The following NUAK1 variants were observed in gnomAD, a reference collection of about 807,000 sequenced individuals.
NUAK1 encodes NUAK family kinase 1.
Under a neutral mutation model 56.9 loss-of-function variants are expected in NUAK1, and 26 were observed. The observed-to-expected ratio is 0.46, with a 90% CI of 0.33 to 0.63. The LOEUF (loss-of-function observed/expected upper bound fraction) is 0.63. NUAK1 is among the 30% of genes least tolerant of loss of function. NUAK1 has a pLI of 0.02. For synonymous variants in NUAK1, 337 were observed against 336.0 expected, an observed-to-expected ratio of 1.00 and a Z score of -0.03; for missense variants, 727 against 876.1, an observed-to-expected ratio of 0.83 and a Z score of 2.15.
intron 1 of NUAK1, among the ~76,000 whole-genome samples, chr12:106,132,048 A>T (rs1034562140): frequency 6.6e-6 from 1 of 152,254 alleles, no homozygotes; most frequent in Non-Finnish European, 1.5e-5. Flanking sequence ...GGAAAGACAA[A>T]TGAGACTTCT....
At chr12:106,090,686 A>G (rs567360503) in intron 2 of NUAK1, among the ~76,000 whole-genome samples, 8 of 152,190 alleles carry the variant, frequency 5.3e-5, no homozygotes, top group Non-Finnish European at 7.3e-5. Context: ...CATCAGTCCA[A>G]TGAGACTAGT....
rs757047758 is a variant in NUAK1 at position 106,067,113 on chromosome 12, C to T, written c.1675G>A (p.Glu559Lys). The T allele has an allele frequency of 8.1e-6, 13 of 1,614,084 alleles. No homozygotes were observed. The highest frequency in any genetic ancestry group is 1.7e-5 in the Admixed American group (1 of 60,016). Residue 559 changes from glutamate to lysine, a missense_variant, in exon 7 of 7, where the codon GAG becomes AAG. By Grantham distance (56) the Glu-to-Lys change is moderately conservative (BLOSUM62 1). Transcript: ENST00000261402. This position sits in a 1 kb window ranked among gnomAD's most constrained non-coding sequence, Gnocchi z 6.0. ...CGGCTGTAGCTCCGGGAGAGGCCCT[C>T]GGCAGGGACACCAGGCTCTGACAGG... Reference protein sequence around the residue: ...ESLSEPGVPAEGLSRSYSRPS... With the variant: ...ESLSEPGVPAKGLSRSYSRPS...
chr12:106,079,203 A>T (rs1379441660), intron 4 of NUAK1, among the ~76,000 whole-genome samples: 1 of 152,196 alleles, frequency 6.6e-6, no homozygotes, highest in African/African-American at 2.4e-5. Flanking sequence ...AAGGTCTGAC[A>T]TGGGGCTCTA....
chr12:106,080,974 T>C (rs2032512199), intron 4 of NUAK1, among the ~76,000 whole-genome samples: 1 of 152,232 alleles, frequency 6.6e-6, no homozygotes, highest in Non-Finnish European at 1.5e-5. Context: ...AGCAAAATGC[T>C]GAGTCAGGAA....
Position 106,127,162 on chromosome 12 carries a change from T to C in NUAK1, c.240+11252A>G, listed in dbSNP as rs754033355. ...AGAGGTTCTTTGAGGATGAGCATTT[T>C]CTTTTTATTTTCTTTTATTTGAGAC... On this transcript the variant is annotated intron_variant, in intron 1 of 6. Coordinates refer to ENST00000261402, the MANE Select transcript of NUAK1 (RefSeq NM_014840.3). 1.2e-3 allele frequency among the ~76,000 whole-genome samples: 187 copies of C among 152,262 alleles called. 2 individuals are homozygous for C. The Middle Eastern group carries it at 0.014, about 11-fold the overall frequency.
chr12:106,095,323 G>A (rs1045977116), intron 2 of NUAK1, among the ~76,000 whole-genome samples: 36 of 152,216 alleles, frequency 2.4e-4, no homozygotes, highest in African/African-American at 7.7e-4. Flanking sequence ...TGGCAGTGAT[G>A]GGGGTAGAAA....
chr12:106,106,626 G>A, intron 1 of NUAK1, 101 bp from the exon 2 acceptor site: 1 of 1,267,302 alleles, frequency 7.9e-7, no homozygotes, highest in Non-Finnish European at 1.1e-6. Flanking sequence ...CTTGTTGGCA[G>A]AACTGACAAT....
intron 1 of NUAK1, among the ~76,000 whole-genome samples, chr12:106,126,331 T>G (rs1215052935): frequency 6.6e-6 from 1 of 152,182 alleles, no homozygotes; most frequent in African/African-American, 2.4e-5. Flanking sequence ...ACCAGCTACC[T>G]GGGAGAGGCA....
chr12:106,138,581 C>T lies in NUAK1; in HGVS notation c.73G>A (p.Glu25Lys), dbSNP rs1451544030. 6.3e-6 allele frequency: 10 copies of T among 1,598,378 alleles called. No individual in the cohort carries two copies. Among genetic ancestry groups the T allele is most frequent in the African/African-American group, 1.3e-5 (1 of 74,792 alleles). ...GCTGCAGTCGCCCCCGCCACCGCCT[C>T]TCGGGGAGAGCCCGGCGCCCCCAGC... Reference protein sequence around the residue: ...LGLGAPGSPREAVAGATAALE... With the variant: ...LGLGAPGSPRKAVAGATAALE... Residue 25 changes from glutamate (E) to lysine (K), a missense_variant, in exon 1 of 7, where the codon GAG becomes AAG. Coordinates refer to ENST00000261402, the MANE Select transcript of NUAK1 (RefSeq NM_014840.3). This position sits in a 1 kb window ranked among gnomAD's most constrained non-coding sequence, Gnocchi z 5.0.
intron 1 of NUAK1, among the ~76,000 whole-genome samples, chr12:106,112,235 G>A (rs771157694): frequency 1.1e-4 from 17 of 152,246 alleles, no homozygotes; most frequent in Non-Finnish European, 2.2e-4. Flanking sequence ...CCATTCACAA[G>A]GTGTGATCTC....
intron 2 of NUAK1, among the ~76,000 whole-genome samples, chr12:106,100,170 C>G (rs1358098493): frequency 1.3e-5 from 2 of 151,222 alleles, no homozygotes; most frequent in Non-Finnish European, 3.0e-5. Context: ...ACACCCAGCC[C>G]TAGTATTATT....
intron 4 of NUAK1, among the ~76,000 whole-genome samples, chr12:106,075,277 G>A (rs982433371): frequency 5.9e-5 from 5 of 85,154 alleles, no homozygotes; most frequent in African/African-American, 2.5e-4. Context: ...TGGGAAAGCA[G>A]TATTAATCAA....
chr12:106,129,469 A>G (rs1402116862), intron 1 of NUAK1, among the ~76,000 whole-genome samples: 1 of 152,252 alleles, frequency 6.6e-6, no homozygotes, highest in Non-Finnish European at 1.5e-5. Context: ...GACAAGGAAG[A>G]ATGGAGCCTA....
chr12:106,131,027 G>A (rs190860917), intron 1 of NUAK1, among the ~76,000 whole-genome samples: 1 of 152,300 alleles, frequency 6.6e-6, no homozygotes, highest in Non-Finnish European at 1.5e-5. Context: ...GGCTCTCTAT[G>A]TTGACCATGG....
rs993402998 is a variant in NUAK1 at position 106,133,779 on chromosome 12, T to C, written c.240+4635A>G. Among the ~76,000 whole-genome samples, 5 of 152,208 alleles carry C rather than the reference T, an allele frequency of 3.3e-5. No homozygotes were observed. In the East Asian group the frequency reaches 7.7e-4, roughly 23 times the overall value. On this transcript the variant is annotated intron_variant, in intron 1 of 6. Transcript: ENST00000261402. The stretch of plus-strand genomic sequence containing the variant: ...TCATGAGCTAAGCTTCAATGAACTG[T>C]TGTCCAACTTGAAAATCACCTGAAA...
intron 1 of NUAK1, among the ~76,000 whole-genome samples, chr12:106,130,044 C>T (rs543623327): frequency 5.5e-4 from 83 of 152,134 alleles, no homozygotes; most frequent in African/African-American, 1.9e-3. Context: ...TGCAGTGGCG[C>T]GATCCTGACT....
At chr12:106,087,029 C>T in intron 2 of NUAK1, 144 bp from the exon 3 acceptor site, 3 of 1,013,112 alleles carry the variant, frequency 3.0e-6, no homozygotes, top group Non-Finnish European at 4.3e-6. Flanking sequence ...GCCAATTCAG[C>T]ATCACGAGGC....
intron 1 of NUAK1, among the ~76,000 whole-genome samples, chr12:106,128,128 C>CTT (rs199595148): frequency 0.067 from 9,066 of 135,830 alleles, 481 homozygotes; most frequent in Middle Eastern, 0.099. Context: ...TCTCTCTTTT[C>CTT]TTTTTCTTTT....
intron 3 of NUAK1, among the ~76,000 whole-genome samples, chr12:106,086,378 C>T (rs1228682410): frequency 6.6e-6 from 1 of 152,142 alleles, no homozygotes; most frequent in African/African-American, 2.4e-5. Context: ...GACAAATGTA[C>T]CACAGAAATG....
Sources: gnomAD v4.1 joint callset for allele counts (sites outside exome capture counted in the v4.1 genomes callset) on GRCh38, gnomAD v4.1.1 for gene constraint, Gnocchi (gnomAD v3.1) non-coding constraint, MANE v1.5 for transcripts, NCBI Gene and HGNC (gene_info 2026-07-23, HGNC 2026-07-21) for gene names.